PDXDC1: variants seen among roughly 807,000 people sequenced by gnomAD.
PDXDC1 encodes the protein pyridoxal-dependent decarboxylase domain-containing protein 1.
PDXDC1 carries 42 observed loss-of-function variants against 100.1 expected under a neutral mutation model. The ratio of observed to expected loss-of-function variants is 0.42; its 90% CI spans 0.33 to 0.54. The LOEUF (loss-of-function observed/expected upper bound fraction) is 0.54. Ranked by LOEUF, PDXDC1 falls within the 20% of genes least tolerant of loss-of-function variation. PDXDC1 has a pLI of 0.10. For missense variants in PDXDC1, 636 were observed against 979.2 expected (o/e 0.65, Z 4.68); for synonymous variants, 260 against 371.7 (o/e 0.70, Z 3.46).
intron 16 of PDXDC1, among the ~76,000 whole-genome samples, chr16:15,093,219 G>T (rs1271411236): frequency 2.0e-5 from 3 of 152,136 alleles, no homozygotes; most frequent in Admixed American, 6.6e-5. Context: ...GGCCAGGCTG[G>T]TCTCCAACTC....
intron 16 of PDXDC1, chr16:15,047,480 G>C: frequency 6.2e-7 from 1 of 1,613,728 alleles, no homozygotes; most frequent in Middle Eastern, 1.7e-4. Context: ...ATTTTATGGA[G>C]TTCATGATCA....
chr16:15,111,128 A>T (rs946092384), intron 16 of PDXDC1, among the ~76,000 whole-genome samples: 5 of 30,352 alleles, frequency 1.6e-4, no homozygotes, highest in East Asian at 8.1e-4. Flanking sequence ...ACTCTGTCAC[A>T]CACACACACA....
chr16:15,137,657 C>G (rs1456435365), intron 16 of PDXDC1: 13 of 1,284,494 alleles, frequency 1.0e-5, no homozygotes, highest in South Asian at 1.3e-5. Context: ...CGGAGCCCCC[C>G]CCCAGAGAGG....
chr16:15,061,866 C>T (rs1163693587), intron 16 of PDXDC1: 19 of 1,613,388 alleles, frequency 1.2e-5, no homozygotes, highest in Non-Finnish European at 1.6e-5. Flanking sequence ...TGGGGCACTT[C>T]GCCTTTCAGA....
In PDXDC1 at chr16:15,035,506, C is replaced by G. The variant is rs371601259; in HGVS notation, c.2060C>G (p.Thr687Arg). The change falls in exon 22 of 23, where the codon ACG becomes AGG. Residue 687 changes from threonine to arginine, a missense_variant. By Grantham distance (71) the Thr-to-Arg change is moderately conservative (BLOSUM62 -1). This residue lies in a region of PDXDC1 where 452 missense variants were observed against 402.9 expected (regional missense o/e 1.12). Coordinates refer to ENST00000396410, the MANE Select transcript of PDXDC1 (RefSeq NM_015027.4). ...YVYKAQGAGV[T>R]LPPTPSGSRT... ...TACAAAGCACAAGGTGCAGGAGTCACGCTGCCTCCAACGCCCTCGGGCAGT... is the reference window on the plus strand; with the variant it reads ...TACAAAGCACAAGGTGCAGGAGTCAGGCTGCCTCCAACGCCCTCGGGCAGT... The G allele has an allele frequency of 1.9e-6, 3 of 1,612,524 alleles. No individual in the cohort carries two copies. Among genetic ancestry groups the G allele is most frequent in the Non-Finnish European group, 2.5e-6 (3 of 1,179,524 alleles).
At chr16:15,144,069 A>C (rs1288290779), downstream of PDXDC1, among the ~76,000 whole-genome samples, 1 of 151,970 alleles carries the variant, frequency 6.6e-6, no homozygotes, top group Non-Finnish European at 1.5e-5. Flanking sequence ...GGGAGGCCCC[A>C]TGCCCCCTGC....
intron 16 of PDXDC1, chr16:15,135,906 G>C: frequency 6.3e-7 from 1 of 1,584,004 alleles, no homozygotes; most frequent in Non-Finnish European, 8.6e-7. Flanking sequence ...AGCGCCAGCC[G>C]CGGCAGCACC....
At chr16:14,988,619 G>T in intron 1 of PDXDC1, 1 of 1,613,788 alleles carries the variant, frequency 6.2e-7, no homozygotes, top group Non-Finnish European at 8.5e-7. Flanking sequence ...TGACAGGCTG[G>T]CCACGGGACT....
intron 16 of PDXDC1, among the ~76,000 whole-genome samples, chr16:15,081,004 T>C (rs1482865564): frequency 6.6e-6 from 1 of 152,208 alleles, no homozygotes; most frequent in African/African-American, 2.4e-5. Context: ...AATGGAGTCA[T>C]ATAATACACA....
intron 1 of PDXDC1, among the ~76,000 whole-genome samples, chr16:14,978,744 G>C (rs1171028483): frequency 2.6e-5 from 4 of 152,292 alleles, no homozygotes; most frequent in Admixed American, 2.0e-4. Flanking sequence ...TTTTCTGTTG[G>C]TTAAAAGATC....
At chr16:15,145,901 C>T in the PDXDC1 span, among the ~76,000 whole-genome samples, 74 of 152,332 alleles carry the variant, frequency 4.9e-4, 1 homozygote, top group Middle Eastern at 3.4e-3. Context: ...CTGCCGTGGC[C>T]ACTGCAGAGC....
intron 1 of PDXDC1, among the ~76,000 whole-genome samples, chr16:14,979,225 G>A (rs1313045964): frequency 6.6e-6 from 1 of 152,280 alleles, no homozygotes; most frequent in East Asian, 1.9e-4. Flanking sequence ...TGCTACACTG[G>A]GCAGCACAGA....
At chr16:15,023,591 G>A (rs1395990048) in intron 13 of PDXDC1, among the ~76,000 whole-genome samples, 9 of 152,274 alleles carry the variant, frequency 5.9e-5, no homozygotes, top group African/African-American at 1.9e-4. Context: ...CCCGGGAGGC[G>A]GAGGTTGCAG....
chr16:14,977,942 T>C (rs1463800710), intron 1 of PDXDC1, among the ~76,000 whole-genome samples: 2 of 152,298 alleles, frequency 1.3e-5, no homozygotes, highest in Admixed American at 6.5e-5. Flanking sequence ...CACTTTAAAA[T>C]GTATGTGAAA....
rs534842102 is a variant in PDXDC1, at chr16:15,135,939, C to T, written c.1400-2940C>T. ...ACCAGCTGAGGCCGGCTCACGTCCA[C>T]GCCGGGCAGGGCCACACGCGCCGGG... On this transcript the variant is annotated intron_variant, in intron 16 of 16. Transcript: ENST00000535621. The T allele has an allele frequency of 5.8e-3, 9,210 of 1,577,768 alleles. 49 individuals are homozygous for T. Among genetic ancestry groups the T allele is most frequent in the Non-Finnish European group, 6.7e-3 (7,833 of 1,161,852 alleles).
intron 16 of PDXDC1, chr16:15,045,068 G>C (rs1423805333): frequency 1.3e-5 from 2 of 150,174 alleles, no homozygotes; most frequent in Non-Finnish European, 2.9e-5. Context: ...AGGTTGCAGT[G>C]AGTCAAGATC....
At chr16:15,034,692 G>T (rs191014187) in intron 21 of PDXDC1, 139 bp downstream of exon 21, 286 of 699,030 alleles carry the variant, frequency 4.1e-4, no homozygotes, top group Non-Finnish European at 6.2e-4. Context: ...GACATCTGAG[G>T]AGACAAGTTC....
intron 16 of PDXDC1, chr16:15,131,477 C>T (rs985101368): frequency 1.6e-5 from 25 of 1,607,532 alleles, no homozygotes; most frequent in Non-Finnish European, 1.9e-5. Context: ...CCTGGGGCGC[C>T]GCCATAGCAC....
At chr16:15,083,392 C>T (rs981756325) in intron 16 of PDXDC1, 20 of 1,441,322 alleles carry the variant, frequency 1.4e-5, no homozygotes, top group African/African-American at 8.7e-5. Context: ...GAGTGAGACT[C>T]GGTCTCAAAA....
Sources: gnomAD v4.1 joint callset for allele counts (sites outside exome capture counted in the v4.1 genomes callset) on GRCh38, gnomAD v4.1.1 for gene constraint, gnomAD v4.1.1 regional missense constraint, MANE v1.5 for transcripts, NCBI Gene and HGNC (gene_info 2026-07-23, HGNC 2026-07-21) for gene names.